RYR2: variants seen among roughly 807,000 people sequenced by gnomAD.
RYR2 encodes ryanodine receptor 2.
RYR2 carries 227 observed loss-of-function variants against 601.1 expected under a neutral mutation model. The observed-to-expected ratio is 0.38, with a 90% CI of 0.34 to 0.42. The LOEUF (loss-of-function observed/expected upper bound fraction) is 0.42, where lower values mean the gene tolerates loss of function less well. Ranked by LOEUF, RYR2 falls within the 10% of genes least tolerant of loss-of-function variation. The pLI is 1.00. For missense variants in RYR2, 4,646 were observed against 6,156.5 expected (o/e 0.75, Z 8.21); for synonymous variants, 2,223 against 2,175.1 (o/e 1.02, Z -0.61).
Position 237,786,627 on chromosome 1 carries a change from T to C in RYR2, c.13328+591T>C, listed in dbSNP as rs149495382. Among the ~76,000 whole-genome samples, 153 of 152,310 alleles carry C rather than the reference T, an allele frequency of 1.0e-3. No homozygotes were observed. The East Asian group carries it at 0.026, about 26-fold the overall frequency. ...GATCAACGCAGCAATAAAAAAGAGC[T>C]GGATGTGAGGCGATGAAAATGCATA... On this transcript the variant is annotated intron_variant, in intron 91 of 104. Transcript: ENST00000366574.
At chr1:237,824,859 A>G (rs1455291648) in intron 101 of RYR2, among the ~76,000 whole-genome samples, 1 of 152,226 alleles carries the variant, frequency 6.6e-6, no homozygotes, top group Admixed American at 6.5e-5. Flanking sequence ...AAAAATCACA[A>G]GCATTCCTAT....
rs55955002 is a variant in RYR2 at position 237,168,874 on chromosome 1, C to T, written c.49-101623C>T. ...TATACTAGGAATATTTAAGTCTATC[C>T]GAGTCTTTCCTCCCCATGGGATCCA... On this transcript the variant is annotated intron_variant, in intron 1 of 104. Coordinates refer to ENST00000366574, the MANE Select transcript of RYR2 (RefSeq NM_001035.3). 1.7e-3 allele frequency among the ~76,000 whole-genome samples: 257 copies of T among 152,160 alleles called. 1 individual carries two copies. The highest frequency in any genetic ancestry group is 2.9e-3 in the South Asian group (14 of 4,820).
intron 3 of RYR2, chr1:237,341,764 T>G: frequency 2.2e-6 from 1 of 446,186 alleles, no homozygotes; most frequent in Non-Finnish European, 4.5e-6. Flanking sequence ...TTTGAACATA[T>G]GATAGAGCTT....
chr1:237,180,618 ATATATG>A lies in RYR2; in HGVS notation c.49-89871_49-89866del, dbSNP rs1678595621. ...TATAAGTATATATATGTATATATGT[ATATATG>A]TATATGTGTATATATGTATATGTAT... On this transcript the variant is annotated intron_variant, in intron 1 of 104. Transcript: ENST00000366574. The surrounding 1 kb of genome is among the most constrained non-coding windows in gnomAD (Gnocchi z 5.3). Among the ~76,000 whole-genome samples, 2 of 30,124 alleles carry A rather than the reference ATATATG, an allele frequency of 6.6e-5. No homozygotes were observed. The highest frequency in any genetic ancestry group is 5.1e-4 in the Admixed American group (1 of 1,978). The allele number at this position is 30,124 out of a possible 152,430, so 19.8% of individuals were successfully genotyped here.
intron 60 of RYR2, among the ~76,000 whole-genome samples, chr1:237,677,448 T>C (rs1346324042): frequency 1.3e-5 from 2 of 152,216 alleles, no homozygotes; most frequent in Admixed American, 6.5e-5. Context: ...GCTTCACTTA[T>C]GAAAATTATC....
chr1:237,529,170 T>C (rs1389702542), intron 24 of RYR2, among the ~76,000 whole-genome samples: 1 of 152,244 alleles, frequency 6.6e-6, no homozygotes, highest in East Asian at 1.9e-4. Context: ...GGATAGTGTC[T>C]GAATAAGTGT....
At chr1:237,172,306 T>G (rs1677492883) in intron 1 of RYR2, among the ~76,000 whole-genome samples, 1 of 152,166 alleles carries the variant, frequency 6.6e-6, no homozygotes, top group Non-Finnish European at 1.5e-5. Context: ...AGACAAGGTT[T>G]TATCATTAAC....
intron 12 of RYR2, among the ~76,000 whole-genome samples, chr1:237,427,012 A>T (rs1204417387): frequency 1.3e-5 from 2 of 152,358 alleles, no homozygotes; most frequent in East Asian, 1.9e-4. Flanking sequence ...GATCTTCTTA[A>T]GATTGAAAAC....
chr1:237,220,731 A>G lies in RYR2; in HGVS notation c.49-49766A>G, dbSNP rs116457298. Among the ~76,000 whole-genome samples, 248 of 152,304 alleles carry G rather than the reference A, an allele frequency of 1.6e-3. 3 individuals carry two copies. Among genetic ancestry groups the G allele is most frequent in the African/African-American group, 5.7e-3 (238 of 41,568 alleles). ...ATGCCTGTAACAATGTCAAATACATATTATTTTCAGGAAGTACTGGTTGGG... is the reference window on the plus strand; with the variant it reads ...ATGCCTGTAACAATGTCAAATACATGTTATTTTCAGGAAGTACTGGTTGGG... On this transcript the variant is annotated intron_variant, in intron 1 of 104. Transcript: ENST00000366574.
At chr1:237,256,942 C>T (rs1388751465) in intron 1 of RYR2, among the ~76,000 whole-genome samples, 1 of 152,170 alleles carries the variant, frequency 6.6e-6, no homozygotes, top group Non-Finnish European at 1.5e-5. Flanking sequence ...TCTCACCTCA[C>T]CATTGCATCC....
In RYR2 at chr1:237,358,668, A is replaced by G. The variant is rs1699510573; in HGVS notation, c.294+2683A>G. 1.3e-5 allele frequency among the ~76,000 whole-genome samples: 2 copies of G among 151,912 alleles called. 1 individual carries two copies. The highest frequency in any genetic ancestry group is 1.3e-4 in the Admixed American group (2 of 15,256). On this transcript the variant is annotated intron_variant, in intron 4 of 104. Transcript: ENST00000366574. ...AGACAATCCCAAGCTGGATCTGTCT[A>G]GTATGGCCCCCATTTGCTTGTTGGC...
chr1:237,503,293 C>A lies in RYR2; in HGVS notation c.2401C>A (p.Arg801Ser), dbSNP rs940667860. 6.2e-7 allele frequency: 1 copy of A among 1,603,246 alleles called. No homozygotes were observed. Among genetic ancestry groups the A allele is most frequent in the East Asian group, 2.2e-5 (1 of 44,586 alleles). Residue 801 changes from arginine to serine, a missense_variant, in exon 22 of 105, where the codon CGC becomes AGC. Coordinates refer to ENST00000366574, the MANE Select transcript of RYR2 (RefSeq NM_001035.3). ...TCTAACGTGCATCCTCTTTAGAGTACGCTTTCTGCTTGGAGGGCGACATGG... is the reference window on the plus strand; with the variant it reads ...TCTAACGTGCATCCTCTTTAGAGTAAGCTTTCTGCTTGGAGGGCGACATGG... ...VVSFSAGIKV[R>S]FLLGGRHGEF...
intron 1 of RYR2, among the ~76,000 whole-genome samples, chr1:237,223,555 G>A (rs1270780517): frequency 6.6e-6 from 1 of 152,116 alleles, no homozygotes; most frequent in Non-Finnish European, 1.5e-5. Flanking sequence ...GGCAGATTTG[G>A]TCAATTAAAA....
intron 40 of RYR2, among the ~76,000 whole-genome samples, chr1:237,626,915 G>A (rs948374285): frequency 2.6e-5 from 4 of 151,962 alleles, no homozygotes; most frequent in African/African-American, 9.7e-5. Context: ...TTATTATCAA[G>A]TTTATGATCT....
chr1:237,294,077 T>G (rs1373225972), intron 2 of RYR2, among the ~76,000 whole-genome samples: 2 of 152,100 alleles, frequency 1.3e-5, no homozygotes, highest in Admixed American at 1.3e-4. Context: ...ACCTAGGAAA[T>G]TTTAAGGGAT....
chr1:237,453,911 G>A (rs755083205), intron 14 of RYR2, among the ~76,000 whole-genome samples: 2 of 152,112 alleles, frequency 1.3e-5, no homozygotes, highest in African/African-American at 4.8e-5. Flanking sequence ...TTCATAAGCA[G>A]ATTTTCTAAA....
chr1:237,792,281 G>A lies in RYR2; in HGVS notation c.13740G>A (p.Thr4580=), dbSNP rs115854664. 7.0e-4 allele frequency: 1,126 copies of A among 1,612,242 alleles called. 8 individuals carry two copies. The African/African-American group carries it at 0.011, about 16-fold the overall frequency. ...PTLRILAILH[T]VISFFCIIGY... ...TGCGTATCTTAGCTATTCTGCACAC[G>A]GTCATTTCTTTCTTCTGCATCATTG... is the stretch of plus-strand genomic sequence containing the variant. The change falls in exon 94 of 105, where the codon ACG becomes ACA. Residue 4580 remains threonine, a synonymous_variant. Transcript: ENST00000366574.
chr1:237,455,192 A>AT (rs749250389), intron 15 of RYR2, among the ~76,000 whole-genome samples: 9 of 152,200 alleles, frequency 5.9e-5, no homozygotes, highest in Non-Finnish European at 1.3e-4. Context: ...ACCAAATGAT[A>AT]TATCTCATGT....
At chr1:237,695,594 CT>C (rs1182858110) in intron 63 of RYR2, among the ~76,000 whole-genome samples, 1 of 152,178 alleles carries the variant, frequency 6.6e-6, no homozygotes, top group Non-Finnish European at 1.5e-5. Flanking sequence ...CCTTCCTGTT[CT>C]TCCTGATAAC....
Sources: allele counts gnomAD v4.1 joint callset (sites outside exome capture counted in the v4.1 genomes callset), GRCh38; gene constraint gnomAD v4.1.1; non-coding constraint Gnocchi (gnomAD v3.1); transcripts MANE v1.5; gene names NCBI Gene and HGNC (gene_info 2026-07-23, HGNC 2026-07-21).